The following MEGF11 variants were observed in gnomAD, a reference collection of about 807,000 sequenced individuals.
MEGF11 encodes multiple epidermal growth factor-like domains protein 11.
Under a neutral mutation model 146.6 loss-of-function variants are expected in MEGF11, and 126 were observed. The observed-to-expected ratio is 0.86, with a 90% CI of 0.74 to 1.00. MEGF11 has a LOEUF of 1.00. Among genes scored for constraint, MEGF11 ranks in the 50% least tolerant of loss-of-function variants. MEGF11 has a pLI of 0.00. For missense variants in MEGF11, 1,509 were observed against 1,521.2 expected, an observed-to-expected ratio of 0.99 and a Z score of 0.13; for synonymous variants, 532 against 583.4, an observed-to-expected ratio of 0.91 and a Z score of 1.27.
At chr15:66,058,715 C>T (rs1248487146) in intron 5 of MEGF11, among the ~76,000 whole-genome samples, 3 of 152,174 alleles carry the variant, frequency 2.0e-5, no homozygotes, top group African/African-American at 7.2e-5. Context: ...GCTATCCTCC[C>T]TCTTCGGGGT....
At chr15:65,965,613 C>CTTTT (rs1186551497) in intron 8 of MEGF11, among the ~76,000 whole-genome samples, 2 of 53,522 alleles carry the variant, frequency 3.7e-5, no homozygotes, top group South Asian at 9.6e-4. Flanking sequence ...TTTTTTTTTT[C>CTTTT]TTTTTTTTTT....
intron 4 of MEGF11, among the ~76,000 whole-genome samples, chr15:66,118,186 C>T (rs199919725): frequency 6.6e-6 from 1 of 151,942 alleles, no homozygotes; most frequent in Admixed American, 6.5e-5. Flanking sequence ...GTAGAGGGAA[C>T]CTTCTAAGGC....
intron 10 of MEGF11, among the ~76,000 whole-genome samples, chr15:65,943,662 G>A (rs748483669): frequency 6.6e-6 from 1 of 152,178 alleles, no homozygotes; most frequent in Non-Finnish European, 1.5e-5. Flanking sequence ...GATCCATGTA[G>A]TATGTGAGTT....
At chr15:65,918,371 C>T (rs1249123524) in intron 15 of MEGF11, among the ~76,000 whole-genome samples, 2 of 152,232 alleles carry the variant, frequency 1.3e-5, no homozygotes, top group South Asian at 2.1e-4. Flanking sequence ...AATCACCTGA[C>T]TTAGGTCTCA....
At chr15:65,970,278 G>C (rs1199113225) in intron 8 of MEGF11, among the ~76,000 whole-genome samples, 1 of 152,220 alleles carries the variant, frequency 6.6e-6, no homozygotes, top group African/African-American at 2.4e-5. Context: ...TATGAGTGCA[G>C]AGAGTAGAGA....
At chr15:66,106,488 A>G (rs2087088193) in intron 4 of MEGF11, among the ~76,000 whole-genome samples, 1 of 152,156 alleles carries the variant, frequency 6.6e-6, no homozygotes, top group Admixed American at 6.5e-5. Flanking sequence ...TGAGCTCTTT[A>G]CATACCGTCA....
chr15:65,928,362 A>G, intron 13 of MEGF11, 63 bp downstream of exon 13: 1 of 1,109,738 alleles, frequency 9.0e-7, no homozygotes, highest in Non-Finnish European at 1.3e-6. Flanking sequence ...CGGTCAAGAG[A>G]AGTAGGATAC....
At chr15:66,183,864 G>A (rs11071868) in intron 1 of MEGF11, among the ~76,000 whole-genome samples, 33,659 of 152,036 alleles carry the variant, frequency 0.22, 4,161 homozygotes, top group East Asian at 0.52. Context: ...CAAGGTCTCA[G>A]GAGACTTAAT....
chr15:65,977,829 T>A (rs1279279120), intron 7 of MEGF11, among the ~76,000 whole-genome samples: 1 of 152,130 alleles, frequency 6.6e-6, no homozygotes, highest in African/African-American at 2.4e-5. Context: ...GACTGTGAAC[T>A]CCTAAGGGTG....
At chr15:66,064,750 A>G (rs1224787393) in intron 5 of MEGF11, among the ~76,000 whole-genome samples, 1 of 150,612 alleles carries the variant, frequency 6.6e-6, no homozygotes, top group Non-Finnish European at 1.5e-5. Flanking sequence ...GCTGGTCTTG[A>G]CCTCCCAACC....
intron 1 of MEGF11, among the ~76,000 whole-genome samples, chr15:66,165,858 C>G (rs1399802139): frequency 1.3e-5 from 2 of 152,200 alleles, no homozygotes; most frequent in Non-Finnish European, 2.9e-5. Flanking sequence ...CTCAGCTCTA[C>G]TCAGGAATGG....
chr15:66,050,284 G>A (rs376070298), intron 5 of MEGF11, among the ~76,000 whole-genome samples: 2,252 of 10,156 alleles, frequency 0.22, 59 homozygotes, highest in Non-Finnish European at 0.29. Context: ...AATGCAATAC[G>A]TGGAATAGAC....
intron 5 of MEGF11, among the ~76,000 whole-genome samples, chr15:66,005,031 G>A (rs979935440): frequency 6.6e-6 from 1 of 152,186 alleles, no homozygotes; most frequent in Non-Finnish European, 1.5e-5. Context: ...AGGTTGCAGT[G>A]TGCTATGATC....
chr15:66,178,370 C>T (rs1841560766), intron 1 of MEGF11, among the ~76,000 whole-genome samples: 2 of 152,180 alleles, frequency 1.3e-5, no homozygotes, highest in South Asian at 4.1e-4. Context: ...AGTTGTCCAG[C>T]TCCATCCCAG....
At chr15:66,034,304 G>T (rs1032102489) in intron 5 of MEGF11, among the ~76,000 whole-genome samples, 1 of 151,974 alleles carries the variant, frequency 6.6e-6, no homozygotes, top group Non-Finnish European at 1.5e-5. Context: ...CTGAGTTGGT[G>T]TTGGAACAGT....
intron 1 of MEGF11, among the ~76,000 whole-genome samples, chr15:66,171,749 A>C (rs919980711): frequency 2.5e-5 from 3 of 117,890 alleles, no homozygotes; most frequent in South Asian, 2.9e-4. Context: ...ACTCACTACC[A>C]TGCGCATTTT....
chr15:66,250,475 C>T (rs1014306598), intron 1 of MEGF11, among the ~76,000 whole-genome samples: 1 of 152,216 alleles, frequency 6.6e-6, no homozygotes, highest in Admixed American at 6.5e-5. Flanking sequence ...TGGGACTCCT[C>T]CTGTCTGATT....
chr15:66,151,394 G>A (rs2089568214), intron 1 of MEGF11, among the ~76,000 whole-genome samples: 1 of 152,176 alleles, frequency 6.6e-6, no homozygotes, highest in South Asian at 2.1e-4. Flanking sequence ...AAGGGAAGGT[G>A]GGGATGAGGG....
At chr15:65,955,771 T>TATATAG (rs1555455807) in intron 10 of MEGF11, among the ~76,000 whole-genome samples, 10 of 6,788 alleles carry the variant, frequency 1.5e-3, no homozygotes, top group Non-Finnish European at 2.7e-3. Context: ...AATATATATA[T>TATATAG]ATATATATAT....
Sources: allele counts gnomAD v4.1 joint callset (sites outside exome capture counted in the v4.1 genomes callset), GRCh38; gene constraint gnomAD v4.1.1; transcripts MANE v1.5; gene names NCBI Gene and HGNC (gene_info 2026-07-23, HGNC 2026-07-21).